HEG1: variants seen among roughly 807,000 people sequenced by gnomAD.
HEG1 encodes heart development protein with EGF like domains 1.
A neutral mutation model predicts 125.6 loss-of-function variants in HEG1; 56 were observed. The observed-to-expected ratio is 0.45, with a 90% CI of 0.36 to 0.56. HEG1 has a LOEUF of 0.56. Among genes scored for constraint, HEG1 ranks in the 20% least tolerant of loss-of-function variants. The probability of loss-of-function intolerance (pLI) is 0.00; values close to 1 mark genes in which losing one functional copy is unlikely to be tolerated. For synonymous variants in HEG1, 644 were observed against 668.5 expected, an observed-to-expected ratio of 0.96 and a Z score of 0.57; for missense variants, 1,523 against 1,670.0, an observed-to-expected ratio of 0.91 and a Z score of 1.53.
chr3:125,021,993 T>C (rs1022949748), intron 3 of HEG1, among the ~76,000 whole-genome samples: 3 of 152,204 alleles, frequency 2.0e-5, no homozygotes, highest in Non-Finnish European at 2.9e-5. Context: ...GTCAAGAGCC[T>C]CAAGGAGTGA....
chr3:124,991,140 C>T (rs187825574), intron 12 of HEG1, among the ~76,000 whole-genome samples, 154 bp from the exon 13 acceptor site: 157 of 141,254 alleles, frequency 1.1e-3, no homozygotes, highest in African/African-American at 3.8e-3. Context: ...ATACTGTTGC[C>T]GGCACAACTC....
At chr3:125,048,863 C>CA (rs767145716) in intron 1 of HEG1, among the ~76,000 whole-genome samples, 1 of 151,962 alleles carries the variant, frequency 6.6e-6, no homozygotes, top group African/African-American at 2.4e-5. Flanking sequence ...CTGGAGTTGC[C>CA]AAAAAAGAAT....
chr3:125,035,156 G>A (rs1437390200), intron 1 of HEG1, among the ~76,000 whole-genome samples: 1 of 151,986 alleles, frequency 6.6e-6, no homozygotes, highest in Admixed American at 6.6e-5. Flanking sequence ...AGTAGAGATG[G>A]GGTTTCACCC....
chr3:125,019,311 T>C lies in HEG1; in HGVS notation c.1539A>G (p.Thr513=), dbSNP rs755050330. The change falls in exon 5 of 17, where the codon ACA becomes ACG. Residue 513 remains threonine, a synonymous_variant. Transcript: ENST00000311127. ...ATGAATTCAAGCTTTCCGAGGAAGA[T>C]GTAGATGAAGACTCTGAATAACTCC... ...GDRSYSESSS[T]SSSESLNSSA... is the part of the protein sequence containing the mutation. The C allele has an allele frequency of 1.2e-6, 2 of 1,613,380 alleles. No homozygotes were observed. Among genetic ancestry groups the C allele is most frequent in the East Asian group, 2.2e-5 (1 of 44,880 alleles).
chr3:124,982,483 A>C (rs1283181368), intron 14 of HEG1, among the ~76,000 whole-genome samples: 1 of 152,228 alleles, frequency 6.6e-6, no homozygotes, highest in Non-Finnish European at 1.5e-5. Flanking sequence ...GATTTCTGGA[A>C]TGAAGAGCTT....
At chr3:125,026,951 G>C (rs1306193177) in intron 3 of HEG1, among the ~76,000 whole-genome samples, 2 of 152,190 alleles carry the variant, frequency 1.3e-5, no homozygotes, top group Non-Finnish European at 2.9e-5. Flanking sequence ...AGTGAGCTGA[G>C]ATCGCGTCAC....
chr3:124,987,924 T>TACACACACACAC (rs67009322), intron 14 of HEG1, among the ~76,000 whole-genome samples: 909 of 67,602 alleles, frequency 0.013, 47 homozygotes, highest in African/African-American at 0.03. Flanking sequence ...TATATATGTG[T>TACACACACACAC]ACACACACAC....
chr3:125,008,388 C>T (rs1260770239), intron 8 of HEG1, among the ~76,000 whole-genome samples: 1 of 152,186 alleles, frequency 6.6e-6, no homozygotes, highest in East Asian at 1.9e-4. Context: ...TCAAAGGATA[C>T]AGACATTTGC....
At chr3:125,003,379 G>C (rs1200886116) in intron 9 of HEG1, among the ~76,000 whole-genome samples, 1 of 152,196 alleles carries the variant, frequency 6.6e-6, no homozygotes, top group Non-Finnish European at 1.5e-5. Flanking sequence ...ATCTTAGCAG[G>C]AGATATCCAC....
At chr3:125,055,408 G>A (rs571734499) in intron 1 of HEG1, among the ~76,000 whole-genome samples, 167 bp downstream of exon 1, 2 of 152,286 alleles carry the variant, frequency 1.3e-5, no homozygotes, top group East Asian at 3.9e-4. Context: ...AACTGCGAAA[G>A]CGTCCCTCCC....
At chr3:125,048,108 T>C (rs1483843965) in intron 1 of HEG1, among the ~76,000 whole-genome samples, 1 of 152,118 alleles carries the variant, frequency 6.6e-6, no homozygotes, top group Non-Finnish European at 1.5e-5. Flanking sequence ...TGAAGTCTTG[T>C]CTGCCTCCCA....
rs533309044 is a variant in HEG1, at chr3:124,994,218, C to T, written c.3653-3232G>A. ...TGTGCAGTTCACAACAGGGTCCACA[C>T]TCCTATGAGAATCTAATGCTGCCGC... is the stretch of plus-strand genomic sequence containing the variant. On this transcript the variant is annotated intron_variant, in intron 12 of 16. Coordinates refer to ENST00000311127, the MANE Select transcript of HEG1 (RefSeq NM_020733.2). Among the ~76,000 whole-genome samples the T allele has an allele frequency of 9.2e-5, 14 of 152,336 alleles. No homozygotes were observed. In the East Asian group the frequency reaches 2.5e-3, roughly 27 times the overall value.
chr3:125,005,469 C>T, intron 8 of HEG1, 101 bp from the exon 9 acceptor site: 1 of 611,964 alleles, frequency 1.6e-6, no homozygotes, highest in Admixed American at 3.4e-5. Context: ...CTCCACCTCA[C>T]AGGACAATCT....
intron 6 of HEG1, among the ~76,000 whole-genome samples, chr3:125,012,204 G>T (rs1159488754): frequency 6.6e-6 from 1 of 152,190 alleles, no homozygotes; most frequent in African/African-American, 2.4e-5. Flanking sequence ...CAGATACCCA[G>T]TTGATCCCTG....
At chr3:124,997,926 A>C in intron 11 of HEG1, 103 bp from the exon 12 acceptor site, 4 of 1,291,058 alleles carry the variant, frequency 3.1e-6, no homozygotes. Flanking sequence ...TGAACTCTCT[A>C]TTTCAAGAGG....
intron 5 of HEG1, 111 bp downstream of exon 5, chr3:125,019,151 A>C: frequency 1.1e-6 from 1 of 884,408 alleles, no homozygotes; most frequent in Non-Finnish European, 1.8e-6. Context: ...TACAGGCGTG[A>C]GCCACCACGC....
At chr3:125,011,709 C>T (rs567410303) in intron 6 of HEG1, among the ~76,000 whole-genome samples, 1 of 152,284 alleles carries the variant, frequency 6.6e-6, no homozygotes, top group Non-Finnish European at 1.5e-5. Context: ...CTGTGCTGCT[C>T]CCTGAGCTTT....
intron 1 of HEG1, among the ~76,000 whole-genome samples, chr3:125,029,842 A>C (rs2107707666): frequency 6.6e-6 from 1 of 152,360 alleles, no homozygotes; most frequent in East Asian, 1.9e-4. Flanking sequence ...CGGTGAGCCA[A>C]GAACGTGCCA....
At chr3:125,022,630 C>T (rs1239031877) in intron 3 of HEG1, among the ~76,000 whole-genome samples, 1 of 151,636 alleles carries the variant, frequency 6.6e-6, no homozygotes, top group Non-Finnish European at 1.5e-5. Flanking sequence ...AAACCCACCT[C>T]TACTTAAAAA....
Sources: allele counts gnomAD v4.1 joint callset (sites outside exome capture counted in the v4.1 genomes callset), GRCh38; gene constraint gnomAD v4.1.1; transcripts MANE v1.5; gene names NCBI Gene and HGNC (gene_info 2026-07-23, HGNC 2026-07-21).